Variants in PTPRD observed in about 807,000 individuals in gnomAD.
The protein encoded by PTPRD is receptor-type tyrosine-protein phosphatase delta.
Under a neutral mutation model 214.5 loss-of-function variants are expected in PTPRD, and 34 were observed. The observed-to-expected ratio is 0.16, with a 90% CI of 0.12 to 0.21. PTPRD has a LOEUF of 0.21. Ranked by LOEUF, PTPRD falls within the 10% of genes least tolerant of loss-of-function variation. The pLI is 1.00. For missense variants in PTPRD, 2,545 were observed against 2,398.7 expected (o/e 1.06, Z -1.27); for synonymous variants, 1,128 against 845.7 (o/e 1.33, Z -5.79).
In PTPRD at chr9:10,404,576, C is replaced by T. The variant is rs1471892703; in HGVS notation, c.-599-63559G>A. Among the ~76,000 whole-genome samples, 2 of 6,980 alleles carry T rather than the reference C, an allele frequency of 2.9e-4. 1 individual carries two copies. Among genetic ancestry groups the T allele is most frequent in the African/African-American group, 5.1e-4 (2 of 3,956 alleles). The allele number at this position is 6,980 out of a possible 152,430, so 4.6% of individuals were successfully genotyped here. A position where few individuals can be genotyped will look rare whatever the true frequency, so the allele number is the denominator to read the frequency against. ...TTAAACTTAAGCCATGTTGGTGACA[C>T]GTCCAAAATCAACCAGTGACCATTA... On this transcript the variant is annotated intron_variant, in intron 2 of 45. Coordinates refer to ENST00000381196, the MANE Select transcript of PTPRD (RefSeq NM_002839.4).
intron 11 of PTPRD, among the ~76,000 whole-genome samples, chr9:8,859,358 G>A (rs535454322): frequency 9.9e-5 from 15 of 152,206 alleles, no homozygotes; most frequent in Middle Eastern, 3.2e-3. Flanking sequence ...TGTTAGCTAA[G>A]AGATGGATTT....
chr9:8,660,206 TACACAGGCACATA>T (rs2097010741), intron 12 of PTPRD, among the ~76,000 whole-genome samples: 1 of 152,234 alleles, frequency 6.6e-6, no homozygotes, highest in African/African-American at 2.4e-5. Flanking sequence ...GCTCTTGTCT[TACACAGGCACATA>T]TCCTATAGAA....
chr9:9,896,274 G>A (rs74987984), intron 5 of PTPRD, among the ~76,000 whole-genome samples: 8,691 of 152,024 alleles, frequency 0.057, 353 homozygotes, highest in African/African-American at 0.1. Context: ...GAAAGACTTC[G>A]GAAAGTTTTA....
At chr9:9,908,766 A>G (rs1460063290) in intron 5 of PTPRD, among the ~76,000 whole-genome samples, 1 of 152,000 alleles carries the variant, frequency 6.6e-6, no homozygotes, top group African/African-American at 2.4e-5. Flanking sequence ...ACAAAATATA[A>G]CATATTTATC....
chr9:10,040,117 G>T (rs923182714), intron 3 of PTPRD, among the ~76,000 whole-genome samples: 1 of 151,990 alleles, frequency 6.6e-6, no homozygotes, highest in Non-Finnish European at 1.5e-5. Flanking sequence ...TGTTTGGTAG[G>T]TAATACTCTA....
chr9:10,144,698 C>A (rs192676391), intron 3 of PTPRD, among the ~76,000 whole-genome samples: 1 of 152,026 alleles, frequency 6.6e-6, no homozygotes, highest in Non-Finnish European at 1.5e-5. Flanking sequence ...ATGGGACTAG[C>A]TTCGTTAGAT....
intron 7 of PTPRD, among the ~76,000 whole-genome samples, chr9:9,691,135 C>A (rs2097263141): frequency 6.6e-6 from 1 of 151,688 alleles, no homozygotes; most frequent in Non-Finnish European, 1.5e-5. Flanking sequence ...AAGCATTATC[C>A]TTTGTGTTTT....
intron 2 of PTPRD, among the ~76,000 whole-genome samples, chr9:10,366,760 G>A (rs999526568): frequency 4.6e-5 from 7 of 152,026 alleles, no homozygotes; most frequent in Non-Finnish European, 8.8e-5. Flanking sequence ...TTATTGCCAC[G>A]TACTTGCTCC....
rs572388409 is a variant in PTPRD, at chr9:9,935,328, A to G, written c.-368+3179T>C. On this transcript the variant is annotated intron_variant, in intron 5 of 45. Coordinates refer to ENST00000381196, the MANE Select transcript of PTPRD (RefSeq NM_002839.4). Reference sequence around the variant, plus strand: ...CATGATTGTATATCTAGAAAACCCCATCATCGTCTCAGCCCAAAATCTCCT... The same window carrying G: ...CATGATTGTATATCTAGAAAACCCCGTCATCGTCTCAGCCCAAAATCTCCT... 3.9e-5 allele frequency among the ~76,000 whole-genome samples: 6 copies of G among 152,264 alleles called. No individual in the cohort carries two copies. The South Asian group carries it at 1.2e-3, about 32-fold the overall frequency.
chr9:9,123,499 A>T (rs749139428), intron 10 of PTPRD, among the ~76,000 whole-genome samples: 1 of 152,168 alleles, frequency 6.6e-6, no homozygotes, highest in Non-Finnish European at 1.5e-5. Context: ...AGAATACAGA[A>T]CTCTGCTGCC....
At chr9:9,403,168 G>A (rs1220893308) in intron 8 of PTPRD, among the ~76,000 whole-genome samples, 2 of 150,524 alleles carry the variant, frequency 1.3e-5, no homozygotes, top group Admixed American at 6.6e-5. Context: ...GCACAAGGCT[G>A]TAATCCCAGG....
chr9:9,702,697 A>G (rs2097527902), intron 7 of PTPRD, among the ~76,000 whole-genome samples: 1 of 152,200 alleles, frequency 6.6e-6, no homozygotes, highest in South Asian at 2.1e-4. Flanking sequence ...TGGAGAAAGT[A>G]GCTGACATAG....
chr9:8,904,319 T>C (rs2098692727), intron 11 of PTPRD, among the ~76,000 whole-genome samples: 1 of 152,346 alleles, frequency 6.6e-6, no homozygotes, highest in East Asian at 1.9e-4. Context: ...TATATCCATA[T>C]TCAAATTTCC....
At chr9:10,303,296 CAGGAGAA>C (rs2095927997) in intron 3 of PTPRD, among the ~76,000 whole-genome samples, 1 of 152,126 alleles carries the variant, frequency 6.6e-6, no homozygotes, top group Non-Finnish European at 1.5e-5. Context: ...TAAATACCCA[CAGGAGAA>C]AGCAGAAAAC....
chr9:10,498,206 C>A (rs1335120644), intron 2 of PTPRD, among the ~76,000 whole-genome samples: 1 of 151,840 alleles, frequency 6.6e-6, no homozygotes, highest in Non-Finnish European at 1.5e-5. Flanking sequence ...ACCACGGATT[C>A]TGATGCTTAG....
intron 35 of PTPRD, among the ~76,000 whole-genome samples, chr9:8,410,391 T>A (rs2093418132): frequency 6.6e-6 from 1 of 152,114 alleles, no homozygotes; most frequent in Non-Finnish European, 1.5e-5. Flanking sequence ...GTAACTTGGG[T>A]CTGTTTGCTC....
At chr9:10,142,073 G>C (rs1446210168) in intron 3 of PTPRD, among the ~76,000 whole-genome samples, 5 of 152,016 alleles carry the variant, frequency 3.3e-5, no homozygotes, top group African/African-American at 9.7e-5. Flanking sequence ...CTAGCCATAT[G>C]TAGAAAGCTG....
rs529670960 is a variant in PTPRD at position 10,421,815 on chromosome 9, T to C, written c.-599-80798A>G. Among the ~76,000 whole-genome samples, 35 of 151,892 alleles carry C rather than the reference T, an allele frequency of 2.3e-4. 1 individual carries two copies. In the South Asian group the frequency reaches 4.8e-3, roughly 21 times the overall value. On this transcript the variant is annotated intron_variant, in intron 2 of 45. Transcript: ENST00000381196. ...TTTATCTATAATCTTAGTTAATATA[T>C]TTCTATTTTTATATTTTTTTCTGCT...
intron 11 of PTPRD, among the ~76,000 whole-genome samples, chr9:8,838,861 C>A (rs2097497229): frequency 6.6e-6 from 1 of 151,502 alleles, no homozygotes. Flanking sequence ...AGATTGAAAT[C>A]ATAGGAAAGA....
Sources: allele counts gnomAD v4.1 joint callset (sites outside exome capture counted in the v4.1 genomes callset), GRCh38; gene constraint gnomAD v4.1.1; transcripts MANE v1.5; gene names NCBI Gene and HGNC (gene_info 2026-07-23, HGNC 2026-07-21).